The following IL3RA variants were observed in gnomAD, a reference collection of about 807,000 sequenced individuals.
IL3RA encodes interleukin 3 receptor subunit alpha, also known as interleukin-3 receptor subunit alpha.
In IL3RA, 73 loss-of-function variants were observed where a neutral mutation model predicts 52.3. The observed-to-expected ratio is 1.40, with a 90% CI of 1.16 to 1.70. The LOEUF (loss-of-function observed/expected upper bound fraction) is 1.70, where lower values mean the gene tolerates loss of function less well. Ranked by LOEUF, IL3RA falls within the 40% of genes most tolerant of loss-of-function variation. The probability of loss-of-function intolerance (pLI) is 0.00; values close to 1 mark genes in which losing one functional copy is unlikely to be tolerated. For missense variants in IL3RA, 664 were observed against 504.4 expected, an observed-to-expected ratio of 1.32 and a Z score of -3.03; for synonymous variants, 260 against 194.0, an observed-to-expected ratio of 1.34 and a Z score of -2.83.
rs17885896 is a variant in IL3RA, at chrX:1,346,549, C to T, written c.183+1115C>T. Among the ~76,000 whole-genome samples, 93 of 151,036 alleles carry T rather than the reference C, an allele frequency of 6.2e-4. 1 individual carries two copies. The highest frequency in any genetic ancestry group is 2.2e-3 in the African/African-American group (92 of 40,958). ...TTGAACCTGGGAGGCCGAGGTTGCA[C>T]TGAGCCGAGATTGTGCCACTGCACT... On this transcript the variant is annotated intron_variant, in intron 3 of 11. Coordinates refer to ENST00000331035, the MANE Select transcript of IL3RA (RefSeq NM_002183.4).
intron 8 of IL3RA, among the ~76,000 whole-genome samples, chrX:1,359,636 CTATCTT>C (rs1250577099): frequency 4.5e-4 from 59 of 130,700 alleles, no homozygotes; most frequent in African/African-American, 1.7e-3. Flanking sequence ...TTCCCTCTCT[CTATCTT>C]TCTCTCCCTG....
chrX:1,363,997 A>G (rs2087710324), intron 8 of IL3RA, among the ~76,000 whole-genome samples: 1 of 151,038 alleles, frequency 6.6e-6, no homozygotes, highest in South Asian at 2.1e-4. Context: ...CCTGGCTAAC[A>G]TGGTGAAACC....
In IL3RA at chrX:1,382,573, C is replaced by A; in HGVS notation, c.*108C>A. On this transcript the variant is annotated 3_prime_UTR_variant, in exon 12 of 12. Coordinates refer to ENST00000331035, the MANE Select transcript of IL3RA (RefSeq NM_002183.4). ...CGCACGCAGCCCAGGAATGGACATT[C>A]CTAACGGGTGGTGGGCATGGGAGAT... The A allele has an allele frequency of 9.8e-7, 1 of 1,016,102 alleles. No individual in the cohort carries two copies. Among genetic ancestry groups the A allele is most frequent in the Non-Finnish European group, 1.6e-6 (1 of 639,874 alleles). The allele number at this position is 1,016,102 out of a possible 1,614,324, so 62.9% of individuals were successfully genotyped here. A position where few individuals can be genotyped will look rare whatever the true frequency, so the allele number is the denominator to read the frequency against.
intron 4 of IL3RA, among the ~76,000 whole-genome samples, chrX:1,351,885 C>T (rs1235550029): frequency 1.3e-5 from 2 of 152,092 alleles, no homozygotes; most frequent in Admixed American, 1.3e-4. Context: ...CTGCCTCGGC[C>T]TCCCAAAGTG....
intron 1 of IL3RA, among the ~76,000 whole-genome samples, chrX:1,338,505 A>G (rs1453369756): frequency 6.6e-6 from 1 of 152,242 alleles, no homozygotes; most frequent in African/African-American, 2.4e-5. Flanking sequence ...GAATGGAGAA[A>G]TATAATGTGG....
chrX:1,343,988 G>A (rs768491130), intron 2 of IL3RA, among the ~76,000 whole-genome samples: 3 of 151,854 alleles, frequency 2.0e-5, no homozygotes, highest in Admixed American at 2.0e-4. Flanking sequence ...TCGCGACGGG[G>A]TTTCACCGTG....
chrX:1,341,168 C>T (rs1190650481), intron 1 of IL3RA, among the ~76,000 whole-genome samples: 5 of 149,380 alleles, frequency 3.3e-5, no homozygotes, highest in Admixed American at 6.7e-5. Context: ...GGCATGGTGG[C>T]GAGTGCCTGT....
chrX:1,341,924 C>T (rs1299393722), intron 2 of IL3RA, 95 bp downstream of exon 2: 1 of 1,328,986 alleles, frequency 7.5e-7, no homozygotes, highest in Admixed American at 1.7e-5. Flanking sequence ...GGAAACTTTT[C>T]ATGCTGAGCT....
At chrX:1,354,568 G>A (rs375076196) in intron 6 of IL3RA, among the ~76,000 whole-genome samples, 79 of 134,246 alleles carry the variant, frequency 5.9e-4, no homozygotes, top group African/African-American at 2.1e-3. Context: ...GAAGGAAGAG[G>A]AGGAAGAGAA....
chrX:1,368,629 C>T (rs377305338), intron 9 of IL3RA, among the ~76,000 whole-genome samples: 10 of 152,244 alleles, frequency 6.6e-5, no homozygotes, highest in African/African-American at 2.4e-4. Context: ...TTAGGGTGGG[C>T]CCTAATCTAA....
At chrX:1,349,730 T>A (rs2085995519) in intron 4 of IL3RA, among the ~76,000 whole-genome samples, 1 of 152,038 alleles carries the variant, frequency 6.6e-6, no homozygotes, top group Admixed American at 6.6e-5. Context: ...TGGTGCGATT[T>A]CAGCTTACCG....
intron 9 of IL3RA, among the ~76,000 whole-genome samples, chrX:1,377,153 C>T (rs1213893988): frequency 1.3e-5 from 2 of 152,198 alleles, no homozygotes; most frequent in Admixed American, 6.5e-5. Flanking sequence ...CAGGAGGAAC[C>T]AGCCCTGCCC....
At chrX:1,360,929 G>GTCTCTCTCTCCCTTCCCCTCTCTC (rs2087241203) in intron 8 of IL3RA, among the ~76,000 whole-genome samples, 1 of 30,398 alleles carries the variant, frequency 3.3e-5, no homozygotes, top group African/African-American at 2.3e-4. Context: ...TCCCCTCTCT[G>GTCTCTCTCTCCCTTCCCCTCTCTC]TCTCTCTCTC....
Position 1,344,688 on chromosome X carries a change from G to A in IL3RA, c.65-628G>A, listed in dbSNP as rs774801849. Among the ~76,000 whole-genome samples the A allele has an allele frequency of 8.4e-4, 128 of 151,640 alleles. 1 individual carries two copies. Among genetic ancestry groups the A allele is most frequent in the South Asian group, 5.0e-3 (24 of 4,808 alleles). On this transcript the variant is annotated intron_variant, in intron 2 of 11. Transcript: ENST00000331035. ...CTCGGGAGGCTGAGGCAGGAGAATC[G>A]CTTGAACCCGGGAGGTAGAGGTTGC...
chrX:1,342,701 C>T, intron 2 of IL3RA, among the ~76,000 whole-genome samples: 1 of 151,214 alleles, frequency 6.6e-6, no homozygotes, highest in East Asian at 2.0e-4. Context: ...CCTGGGATTA[C>T]AGGTGTCCGC....
At chrX:1,364,842 T>C (rs2087791173) in intron 8 of IL3RA, among the ~76,000 whole-genome samples, 2 of 151,726 alleles carry the variant, frequency 1.3e-5, no homozygotes, top group Non-Finnish European at 1.5e-5. Flanking sequence ...AGAGTCTCAC[T>C]CTGTTGCCCA....
chrX:1,348,278 G>C (rs772810250), intron 3 of IL3RA, among the ~76,000 whole-genome samples, 153 bp from the exon 4 acceptor site: 1 of 151,676 alleles, frequency 6.6e-6, no homozygotes, highest in East Asian at 1.9e-4. Flanking sequence ...GCTTGAACCC[G>C]GGAGGGAGAG....
Position 1,378,677 on chromosome X carries a change from G to A in IL3RA, c.893G>A (p.Gly298Asp), listed in dbSNP as rs200621868. ...CCCCTAGAGTGCGACCAGGAGGAGGGCGCAAACACACGTGCCTGGCGGACG... is the reference window on the plus strand; with the variant it reads ...CCCCTAGAGTGCGACCAGGAGGAGGACGCAAACACACGTGCCTGGCGGACG... Reference protein sequence around the residue: ...PQRFECDQEEGANTRAWRTSL... With the variant: ...PQRFECDQEEDANTRAWRTSL... Residue 298 changes from glycine to aspartate, a missense_variant, in exon 10 of 12, where the codon GGC becomes GAC. Physicochemically the swap from Gly to Asp is moderately conservative, Grantham distance 94. Coordinates refer to ENST00000331035, the MANE Select transcript of IL3RA (RefSeq NM_002183.4). 5.0e-6 allele frequency: 8 copies of A among 1,612,562 alleles called. No individual in the cohort carries two copies. In the East Asian group the frequency reaches 1.8e-4, roughly 36 times the overall value.
At chrX:1,339,389 C>T (rs1204639103) in intron 1 of IL3RA, among the ~76,000 whole-genome samples, 2 of 152,350 alleles carry the variant, frequency 1.3e-5, no homozygotes, top group East Asian at 3.9e-4. Flanking sequence ...TTCCCTGCTG[C>T]CCTCAGTCCC....
Sources: allele counts gnomAD v4.1 joint callset (sites outside exome capture counted in the v4.1 genomes callset), GRCh38; gene constraint gnomAD v4.1.1; transcripts MANE v1.5; gene names NCBI Gene and HGNC (gene_info 2026-07-23, HGNC 2026-07-21).